The following CAST variants were observed in gnomAD, a reference collection of about 807,000 sequenced individuals.
CAST encodes the protein MIR583 host.
In CAST, 76 loss-of-function variants were observed where a neutral mutation model predicts 119.6. The ratio of observed to expected loss-of-function variants is 0.64; its 90% confidence interval spans 0.53 to 0.77. CAST has a LOEUF of 0.77. CAST is among the 30% of genes least tolerant of loss of function. The pLI, the probability that CAST is intolerant of heterozygous loss-of-function variation, is 0.00. For missense variants in CAST, 953 were observed against 946.5 expected, an observed-to-expected ratio of 1.01 and a Z score of -0.09; for synonymous variants, 319 against 331.6, an observed-to-expected ratio of 0.96 and a Z score of 0.41.
chr5:96,729,586 G>A, intron 7 of CAST, 26 bp from the exon 8 acceptor site: 1 of 877,558 alleles, frequency 1.1e-6, no homozygotes. Context: ...TTATATGTGT[G>A]TGGGCACCTG....
At chr5:96,330,638 G>C in the CAST span, among the ~76,000 whole-genome samples, 2 of 152,168 alleles carry the variant, frequency 1.3e-5, no homozygotes, top group Non-Finnish European at 2.9e-5. Flanking sequence ...GACTTCAGTC[G>C]CTCTAAAGCT....
At chr5:96,763,230 T>G (rs1337550179) in intron 25 of CAST, 2 of 780,634 alleles carry the variant, frequency 2.6e-6, no homozygotes. Flanking sequence ...CAGGATCATC[T>G]GAAAATATCC....
the CAST span, among the ~76,000 whole-genome samples, chr5:96,437,104 C>T: frequency 6.6e-6 from 1 of 152,158 alleles, no homozygotes; most frequent in Non-Finnish European, 1.5e-5. Context: ...TGAGGGACAT[C>T]TTTAATTCTA....
At chr5:96,318,541 C>G in the CAST span, 1 of 152,178 alleles carries the variant, frequency 6.6e-6, no homozygotes, top group African/African-American at 2.4e-5. Flanking sequence ...TGGTACTGTT[C>G]AAAGTAAGAT....
chr5:96,107,782 T>C, the CAST span, among the ~76,000 whole-genome samples: 1 of 152,256 alleles, frequency 6.6e-6, no homozygotes, highest in Admixed American at 6.5e-5. Context: ...CCTTGTTAGA[T>C]TGGGGAAGTT....
chr5:96,452,568 G>C, the CAST span, among the ~76,000 whole-genome samples: 1 of 140,578 alleles, frequency 7.1e-6, no homozygotes, highest in Non-Finnish European at 1.5e-5. Flanking sequence ...GTGCAGCAAA[G>C]CACCATGGCA....
upstream of CAST, among the ~76,000 whole-genome samples, chr5:96,524,225 G>A (rs181366966): frequency 9.2e-5 from 14 of 152,330 alleles, no homozygotes; most frequent in South Asian, 4.1e-4. Flanking sequence ...CCACTAAGCC[G>A]TGTGTTCCCA....
At chr5:96,682,198 C>T (rs1407877550) in intron 2 of CAST, among the ~76,000 whole-genome samples, 1 of 152,222 alleles carries the variant, frequency 6.6e-6, no homozygotes, top group Non-Finnish European at 1.5e-5. Flanking sequence ...AGAGAGACTA[C>T]TGTAATTCTG....
the CAST span, among the ~76,000 whole-genome samples, chr5:95,996,246 G>A: frequency 1.3e-5 from 2 of 152,242 alleles, no homozygotes; most frequent in Non-Finnish European, 2.9e-5. Context: ...TTTAGGATCA[G>A]CAGTGGCAGC....
At chr5:96,660,161 G>A (rs370751211), upstream of CAST, among the ~76,000 whole-genome samples, 1 of 152,146 alleles carries the variant, frequency 6.6e-6, no homozygotes, top group Non-Finnish European at 1.5e-5. Context: ...CCAGCCAGGT[G>A]AGTGGGTTCC....
At chr5:96,410,739 A>G in the CAST span, 1 of 1,521,268 alleles carries the variant, frequency 6.6e-7, no homozygotes, top group South Asian at 1.1e-5. Context: ...ACGCTCTCCT[A>G]ACTAAGCAGA....
chr5:96,227,183 A>G, the CAST span, among the ~76,000 whole-genome samples: 3 of 152,248 alleles, frequency 2.0e-5, no homozygotes, highest in Non-Finnish European at 4.4e-5. Context: ...TCTGTAAAAA[A>G]TGAAGCAGAA....
the CAST span, among the ~76,000 whole-genome samples, chr5:96,494,377 T>C: frequency 6.6e-6 from 1 of 152,110 alleles, no homozygotes; most frequent in Admixed American, 6.5e-5. Flanking sequence ...TAAATGATAG[T>C]AAAAGTTTTG....
At chr5:96,275,256 ATTTTC>A in the CAST span, among the ~76,000 whole-genome samples, 1 of 152,150 alleles carries the variant, frequency 6.6e-6, no homozygotes, top group Non-Finnish European at 1.5e-5. Flanking sequence ...TAAGTCACTA[ATTTTC>A]TTTAAAGTTT....
chr5:95,974,179 T>C, the CAST span, among the ~76,000 whole-genome samples: 27 of 152,196 alleles, frequency 1.8e-4, no homozygotes, highest in African/African-American at 6.5e-4. Context: ...TTACCACCCA[T>C]TGATAACCAG....
At chr5:96,168,548 C>A in the CAST span, among the ~76,000 whole-genome samples, 1 of 152,048 alleles carries the variant, frequency 6.6e-6, no homozygotes, top group African/African-American at 2.4e-5. Context: ...CGGGGCAGAG[C>A]GGTAGCCTCA....
chr5:96,068,416 C>A, the CAST span, among the ~76,000 whole-genome samples: 234 of 152,188 alleles, frequency 1.5e-3, no homozygotes, highest in South Asian at 8.3e-3. Flanking sequence ...TACCCTGACT[C>A]CTGGTCCCTG....
At chr5:96,670,792 G>A (rs141244362) in intron 1 of CAST, among the ~76,000 whole-genome samples, 2,772 of 152,272 alleles carry the variant, frequency 0.018, 41 homozygotes, top group Non-Finnish European at 0.025. Context: ...CACTGTGCCC[G>A]GCCTAGTTTC....
At chr5:96,139,532 A>ATG in the CAST span, among the ~76,000 whole-genome samples, 1 of 111,668 alleles carries the variant, frequency 9.0e-6, no homozygotes, top group African/African-American at 4.0e-5. Flanking sequence ...ATATATATAC[A>ATG]TATATATATG....
Sources: allele counts gnomAD v4.1 joint callset (sites outside exome capture counted in the v4.1 genomes callset), GRCh38; gene constraint gnomAD v4.1.1; transcripts MANE v1.5; gene names NCBI Gene and HGNC (gene_info 2026-07-23, HGNC 2026-07-21).